NCAPD3: variants seen among roughly 807,000 people sequenced by gnomAD.
The protein encoded by NCAPD3 is non-SMC condensin II complex subunit D3.
NCAPD3 carries 105 observed loss-of-function variants against 182.9 expected under a neutral mutation model. That is an observed-to-expected ratio of 0.57 (90% CI 0.49 to 0.68). The LOEUF (loss-of-function observed/expected upper bound fraction) is 0.68. Ranked by LOEUF, NCAPD3 falls within the 30% of genes least tolerant of loss-of-function variation. The pLI, the probability that NCAPD3 is intolerant of heterozygous loss-of-function variation, is 0.00. For missense variants in NCAPD3, 1,944 were observed against 1,837.0 expected (o/e 1.06, Z -1.07); for synonymous variants, 815 against 679.9 (o/e 1.20, Z -3.09).
intron 27 of NCAPD3, among the ~76,000 whole-genome samples, chr11:134,163,896 A>C (rs938038346): frequency 1.3e-5 from 2 of 149,544 alleles, no homozygotes; most frequent in African/African-American, 4.9e-5. Context: ...AAAAAAAGAA[A>C]AAGAAAGAAA....
At chr11:134,208,453 C>G (rs1332328460) in intron 7 of NCAPD3, among the ~76,000 whole-genome samples, 2 of 152,182 alleles carry the variant, frequency 1.3e-5, no homozygotes, top group Non-Finnish European at 2.9e-5. Context: ...CTGAAGCGCA[C>G]ATGAATTGCC....
intron 24 of NCAPD3, among the ~76,000 whole-genome samples, chr11:134,169,737 G>C (rs987244401): frequency 2.0e-5 from 3 of 152,178 alleles, no homozygotes; most frequent in African/African-American, 7.2e-5. Flanking sequence ...GATGTAAACA[G>C]GCAAACTGTT....
In NCAPD3 at chr11:134,181,089, G is replaced by A. The variant is rs984648180; in HGVS notation, c.2547C>T (p.Asp849=). 3.7e-6 allele frequency: 6 copies of A among 1,612,218 alleles called. No individual in the cohort carries two copies. The Admixed American group carries it at 6.7e-5, about 18-fold the overall frequency. ...VLKENGTGNM[D]EDLLVKYIFT... ...AGCAGTCGCTTACCAACAGGTCTTC[G>A]TCCATATTCCCTGTTCCATTCTCCT... is the stretch of plus-strand genomic sequence containing the variant. The change falls in exon 20 of 35, where the codon GAC becomes GAT. Residue 849 remains aspartate, a synonymous_variant. Transcript: ENST00000534548.
chr11:134,181,674 G>A (rs1393578478), intron 19 of NCAPD3, among the ~76,000 whole-genome samples: 1 of 152,152 alleles, frequency 6.6e-6, no homozygotes, highest in Non-Finnish European at 1.5e-5. Context: ...ATAACTTCAA[G>A]GGGTGACTTC....
intron 4 of NCAPD3, among the ~76,000 whole-genome samples, chr11:134,209,977 A>G (rs1937769333): frequency 6.6e-6 from 1 of 152,116 alleles, no homozygotes. Flanking sequence ...AATCACTTGA[A>G]CCCATGAGGT....
intron 24 of NCAPD3, among the ~76,000 whole-genome samples, chr11:134,175,057 G>T (rs1252847950): frequency 6.6e-6 from 1 of 152,118 alleles, no homozygotes; most frequent in Non-Finnish European, 1.5e-5. Context: ...AAGAGGCCCT[G>T]GTAATCTTAC....
At chr11:134,196,481 A>T (rs957454660) in intron 13 of NCAPD3, among the ~76,000 whole-genome samples, 1 of 151,802 alleles carries the variant, frequency 6.6e-6, no homozygotes, top group African/African-American at 2.4e-5. Context: ...CTATCTCTAC[A>T]AAAAATACAA....
chr11:134,172,666 G>A (rs1405313108), intron 24 of NCAPD3, among the ~76,000 whole-genome samples: 1 of 152,082 alleles, frequency 6.6e-6, no homozygotes, highest in Non-Finnish European at 1.5e-5. Flanking sequence ...GTGATTACAA[G>A]GCCACCACCT....
intron 27 of NCAPD3, among the ~76,000 whole-genome samples, chr11:134,162,136 G>A (rs1049416390): frequency 1.3e-5 from 2 of 152,178 alleles, no homozygotes; most frequent in African/African-American, 2.4e-5. Flanking sequence ...TATTCTAAAT[G>A]GGGAAAAAGA....
chr11:134,153,227 C>T (rs780668674), intron 33 of NCAPD3, 27 bp from the exon 34 acceptor site: 36 of 1,613,990 alleles, frequency 2.2e-5, no homozygotes, highest in Non-Finnish European at 2.7e-5. Flanking sequence ...CAAACACATT[C>T]AGCTTTCCCA....
chr11:134,156,359 C>A (rs1278458641), intron 32 of NCAPD3, among the ~76,000 whole-genome samples: 3 of 152,176 alleles, frequency 2.0e-5, no homozygotes, highest in African/African-American at 7.2e-5. Flanking sequence ...CAGGGCCTAG[C>A]CACTACTCCA....
intron 3 of NCAPD3, among the ~76,000 whole-genome samples, chr11:134,212,393 G>A (rs1937869214): frequency 1.3e-5 from 2 of 151,824 alleles, no homozygotes; most frequent in South Asian, 4.2e-4. Context: ...GTGTGTGTGT[G>A]TGTGTGTGTG....
intron 1 of NCAPD3, among the ~76,000 whole-genome samples, chr11:134,221,454 C>T (rs2136035608): frequency 6.6e-6 from 1 of 151,886 alleles, no homozygotes; most frequent in South Asian, 2.1e-4. Context: ...ATACACGTAC[C>T]ATGGTGGTTT....
At position 134,168,818 on chromosome 11, in the gene NCAPD3, G is replaced by T. The variant is rs1943934855; in HGVS notation, c.3239+99C>A. Reference sequence around the variant, plus strand: ...AAGCCACAGTAAAGACCTGGGGCAGGGTCTGCGTCCAATCACTACATGCAA... The same window carrying T: ...AAGCCACAGTAAAGACCTGGGGCAGTGTCTGCGTCCAATCACTACATGCAA... On this transcript the variant is annotated intron_variant, in intron 25 of 34. Transcript: ENST00000534548. 4 of 1,468,490 alleles carry T rather than the reference G, an allele frequency of 2.7e-6. No individual in the cohort carries two copies. The East Asian group carries it at 9.1e-5, about 33-fold the overall frequency. 91.0% of individuals were successfully genotyped at this position (1,468,490 alleles called of 1,614,324 possible). A position where few individuals can be genotyped will look rare whatever the true frequency, so the allele number is the denominator to read the frequency against.
At chr11:134,202,739 C>A in intron 13 of NCAPD3, 77 bp downstream of exon 13, 8 of 1,144,682 alleles carry the variant, frequency 7.0e-6, no homozygotes, top group East Asian at 2.5e-5. Context: ...AAAAAAAATC[C>A]AAGGTTTTAG....
chr11:134,198,592 TG>T (rs1312197721), intron 13 of NCAPD3, among the ~76,000 whole-genome samples: 1 of 152,186 alleles, frequency 6.6e-6, no homozygotes, highest in Non-Finnish European at 1.5e-5. Context: ...TTACAGAGCT[TG>T]ACTCTTTCTG....
In NCAPD3 at chr11:134,223,301, TG is replaced by T. The variant is rs1938308767; in HGVS notation, c.64+561del. 6.8e-5 allele frequency: 43 copies of T among 629,258 alleles called. No individual in the cohort carries two copies. The East Asian group carries it at 1.1e-3, about 17-fold the overall frequency. 39.0% of individuals were successfully genotyped at this position (629,258 alleles called of 1,614,324 possible). On this transcript the variant is annotated intron_variant, in intron 1 of 34. Transcript: ENST00000534548. ...ATGATGAAGGCAGCAGCATCAGGAATGGAGCGGGGCTGCCCTGAGACACCTC... is the reference window on the plus strand; with the variant it reads ...ATGATGAAGGCAGCAGCATCAGGAATGAGCGGGGCTGCCCTGAGACACCTC...
Position 134,192,650 on chromosome 11 carries a change from C to G in NCAPD3, c.2045+39G>C, listed in dbSNP as rs376205332. 2.6e-6 allele frequency: 4 copies of G among 1,555,664 alleles called. No individual in the cohort carries two copies. The African/African-American group carries it at 5.5e-5, about 21-fold the overall frequency. On this transcript the variant is annotated intron_variant, in intron 16 of 34. Transcript: ENST00000534548. ...ATTTATTAATACAAAGTCCTACGGCCTTCTTCTATAGGGAACACAGGTCAT... is the reference window on the plus strand; with the variant it reads ...ATTTATTAATACAAAGTCCTACGGCGTTCTTCTATAGGGAACACAGGTCAT...
Position 134,167,926 on chromosome 11 carries a change from C to T in NCAPD3, c.3573+70G>A, listed in dbSNP as rs1236869595. On this transcript the variant is annotated intron_variant, in intron 27 of 34. Coordinates refer to ENST00000534548, the MANE Select transcript of NCAPD3 (RefSeq NM_015261.3). ...GATGAGCTTGGGGGAGGTGCACACT[C>T]GTGAGATGAGCTTAGGGGAGCAGCA... 5.6e-6 allele frequency: 8 copies of T among 1,419,866 alleles called. No individual in the cohort carries two copies. In the East Asian group the frequency reaches 7.0e-5, roughly 12 times the overall value. The allele number at this position is 1,419,866 out of a possible 1,614,324, so 88.0% of individuals were successfully genotyped here. A position where few individuals can be genotyped will look rare whatever the true frequency, so the allele number is the denominator to read the frequency against.
Sources: gnomAD v4.1 joint callset for allele counts (sites outside exome capture counted in the v4.1 genomes callset) on GRCh38, gnomAD v4.1.1 for gene constraint, MANE v1.5 for transcripts, NCBI Gene and HGNC (gene_info 2026-07-23, HGNC 2026-07-21) for gene names.